Variants in ZNF462 observed in about 807,000 individuals in gnomAD.
ZNF462 encodes the protein zinc finger PBX1-interacting protein.
ZNF462 carries 10 observed loss-of-function variants against 201.9 expected under a neutral mutation model. The ratio of observed to expected loss-of-function variants is 0.05; its 90% CI spans 0.03 to 0.08. ZNF462 has a LOEUF of 0.08. ZNF462 is among the 10% of genes least tolerant of loss of function. ZNF462 has a pLI of 1.00. For missense variants in ZNF462, 2,523 were observed against 3,168.3 expected, an observed-to-expected ratio of 0.80 and a Z score of 4.89; for synonymous variants, 1,227 against 1,193.3, an observed-to-expected ratio of 1.03 and a Z score of -0.58.
intron 10 of ZNF462, among the ~76,000 whole-genome samples, chr9:106,992,838 A>G (rs946817472): frequency 3.3e-5 from 5 of 152,092 alleles, no homozygotes; most frequent in Admixed American, 2.6e-4. Flanking sequence ...TAGGTAAATT[A>G]TACCTCAATA....
chr9:106,906,606 G>T (rs1254807302), intron 1 of ZNF462, among the ~76,000 whole-genome samples: 2 of 152,014 alleles, frequency 1.3e-5, no homozygotes, highest in Non-Finnish European at 2.9e-5. Flanking sequence ...AGACAGGGTG[G>T]AAAAAAAGAA....
intron 9 of ZNF462, among the ~76,000 whole-genome samples, chr9:106,982,176 G>T (rs981824519): frequency 1.1e-4 from 16 of 152,228 alleles, no homozygotes; most frequent in Non-Finnish European, 2.1e-4. Flanking sequence ...ACCCAGCGTA[G>T]TTGCAGTTAA....
chr9:106,936,417 ACTT>A (rs1159276669), intron 6 of ZNF462, among the ~76,000 whole-genome samples: 7 of 152,066 alleles, frequency 4.6e-5, no homozygotes, highest in Admixed American at 4.6e-4. Flanking sequence ...TGGGTCCTTC[ACTT>A]TCGCCAGCTC....
rs571768676 is a variant in ZNF462, at chr9:107,005,465, T to C, written c.7189+2039T>C. Among the ~76,000 whole-genome samples the C allele has an allele frequency of 6.6e-6, 1 of 152,302 alleles. No individual in the cohort carries two copies. Among genetic ancestry groups the C allele is most frequent in the South Asian group, 2.1e-4 (1 of 4,834 alleles). ...TTTGCATTTCCCTGATGATTAGTGATGTTGAACATTTTTTCATATGCCTGC... is the reference window on the plus strand; with the variant it reads ...TTTGCATTTCCCTGATGATTAGTGACGTTGAACATTTTTTCATATGCCTGC... On this transcript the variant is annotated intron_variant, in intron 11 of 12. Coordinates refer to ENST00000277225, the MANE Select transcript of ZNF462 (RefSeq NM_021224.6). This position sits in a 1 kb window ranked among gnomAD's most constrained non-coding sequence, Gnocchi z 4.4.
intron 7 of ZNF462, among the ~76,000 whole-genome samples, chr9:106,961,770 AG>A (rs929633524): frequency 6.6e-6 from 1 of 151,984 alleles, no homozygotes; most frequent in Non-Finnish European, 1.5e-5. Flanking sequence ...GGGGAGTCTA[AG>A]GGGGGAATTT....
chr9:106,885,438 A>G lies in ZNF462; in HGVS notation c.-31+22083A>G, dbSNP rs1828275729. 6.6e-6 allele frequency among the ~76,000 whole-genome samples: 1 copy of G among 152,200 alleles called. No individual in the cohort carries two copies. Among genetic ancestry groups the G allele is most frequent in the South Asian group, 2.1e-4 (1 of 4,830 alleles). The stretch of plus-strand genomic sequence containing the variant: ...AACAGAAAGCAGCAGTCATGGCCCA[A>G]GAACCTGTGGTTCTTGGTTGTGTCC... On this transcript the variant is annotated intron_variant, in intron 1 of 12. Coordinates refer to ENST00000277225, the MANE Select transcript of ZNF462 (RefSeq NM_021224.6). The surrounding 1 kb of genome is among the most constrained non-coding windows in gnomAD (Gnocchi z 4.1).
intron 1 of ZNF462, among the ~76,000 whole-genome samples, chr9:106,889,665 G>T (rs1434341660): frequency 6.6e-6 from 1 of 152,040 alleles, no homozygotes; most frequent in Non-Finnish European, 1.5e-5. Context: ...AATACTTACT[G>T]AGCATTTGAC....
rs1206382478 is a variant in ZNF462 at position 106,863,349 on chromosome 9, T to A, written c.-37T>A. 5.1e-6 allele frequency: 2 copies of A among 395,526 alleles called. No individual in the cohort carries two copies. The highest frequency in any genetic ancestry group is 2.1e-5 in the African/African-American group (1 of 48,482). 24.5% of individuals were successfully genotyped at this position (395,526 alleles called of 1,614,324 possible). ...GAAGCACCTCCCGGCGCCGGGACGC[T>A]TCTTCTGTAAGTTACTGCAATTAAC... is the stretch of plus-strand genomic sequence containing the variant. On this transcript the variant is annotated 5_prime_UTR_variant, in exon 1 of 13. Coordinates refer to ENST00000277225, the MANE Select transcript of ZNF462 (RefSeq NM_021224.6).
At chr9:106,946,953 A>G (rs1017561555) in intron 7 of ZNF462, among the ~76,000 whole-genome samples, 2 of 152,248 alleles carry the variant, frequency 1.3e-5, no homozygotes, top group Non-Finnish European at 2.9e-5. Flanking sequence ...TGTTGTACAC[A>G]TATTTTTGTT....
At position 106,932,377 on chromosome 9, in the gene ZNF462, T is replaced by A; in HGVS notation, c.6013-69T>A. The A allele has an allele frequency of 1.2e-6, 2 of 1,608,220 alleles. No homozygotes were observed. The highest frequency in any genetic ancestry group is 1.7e-6 in the Non-Finnish European group (2 of 1,177,156). ...TGAACACTGCTTGCTTGATGGAATG[T>A]TGGAGGATGAAACCCGGCCGGGGGG... On this transcript the variant is annotated intron_variant, in intron 4 of 12. Transcript: ENST00000277225. This position sits in a 1 kb window ranked among gnomAD's most constrained non-coding sequence, Gnocchi z 6.8.
At chr9:106,941,626 A>G (rs886577079) in intron 7 of ZNF462, among the ~76,000 whole-genome samples, 2 of 152,254 alleles carry the variant, frequency 1.3e-5, no homozygotes, top group Admixed American at 6.5e-5. Context: ...ATGTATATAA[A>G]TGACCTATAT....
At chr9:106,881,417 G>A (rs1161409243) in intron 1 of ZNF462, among the ~76,000 whole-genome samples, 1 of 152,052 alleles carries the variant, frequency 6.6e-6, no homozygotes, top group African/African-American at 2.4e-5. Context: ...TGACCTTGAG[G>A]GAATGATTTA....
At position 106,938,182 on chromosome 9, in the gene ZNF462, A is replaced by G. The variant is rs983418421; in HGVS notation, c.6236-734A>G. Among the ~76,000 whole-genome samples, 3 of 152,230 alleles carry G rather than the reference A, an allele frequency of 2.0e-5. No homozygotes were observed. The highest frequency in any genetic ancestry group is 2.9e-5 in the Non-Finnish European group (2 of 68,034). On this transcript the variant is annotated intron_variant, in intron 6 of 12. Coordinates refer to ENST00000277225, the MANE Select transcript of ZNF462 (RefSeq NM_021224.6). This position sits in a 1 kb window ranked among gnomAD's most constrained non-coding sequence, Gnocchi z 4.4. ...GTGGCATAAAATTAATTTTAAAAGT[A>G]GTGCTTATTTTTACTGAGAGGCAGT... is the stretch of plus-strand genomic sequence containing the variant.
intron 7 of ZNF462, among the ~76,000 whole-genome samples, chr9:106,947,765 C>T (rs567183609): frequency 2.6e-5 from 4 of 152,158 alleles, no homozygotes; most frequent in African/African-American, 9.7e-5. Context: ...ATTCCAGAGC[C>T]TGTGCCCTTG....
chr9:106,995,128 C>CTT (rs1368481711), intron 10 of ZNF462, among the ~76,000 whole-genome samples: 2 of 152,084 alleles, frequency 1.3e-5, no homozygotes, highest in Non-Finnish European at 2.9e-5. Flanking sequence ...AGCTCTGAGC[C>CTT]TTTCTTAATT....
rs1260681026 is a variant in ZNF462 at position 106,968,820 on chromosome 9, A to G, written c.6428-3185A>G. On this transcript the variant is annotated intron_variant, in intron 7 of 12. Coordinates refer to ENST00000277225, the MANE Select transcript of ZNF462 (RefSeq NM_021224.6). This position sits in a 1 kb window ranked among gnomAD's most constrained non-coding sequence, Gnocchi z 4.0. ...CCTTTCTTTCCTTAAGCTCAAAATG[A>G]AAGAAAATAGTCTTAATGATGATTT... Among the ~76,000 whole-genome samples, 12 of 152,214 alleles carry G rather than the reference A, an allele frequency of 7.9e-5. No individual in the cohort carries two copies. The highest frequency in any genetic ancestry group is 7.9e-4 in the Admixed American group (12 of 15,278).
intron 9 of ZNF462, chr9:106,975,361 T>A (rs772589198): frequency 2.0e-5 from 3 of 152,234 alleles, no homozygotes; most frequent in Non-Finnish European, 4.4e-5. Flanking sequence ...GCTGAGTATT[T>A]GGGGGCCATT....
chr9:106,890,976 T>C lies in ZNF462; in HGVS notation c.-31+27621T>C, dbSNP rs1423761584. On this transcript the variant is annotated intron_variant, in intron 1 of 12. Transcript: ENST00000277225. This position sits in a 1 kb window ranked among gnomAD's most constrained non-coding sequence, Gnocchi z 4.2. Reference sequence around the variant, plus strand: ...GTAAAGAATAAGATAGTCTTTTTCTTTTTTGGAAAAATCGTATGGCTAGTA... The same window carrying C: ...GTAAAGAATAAGATAGTCTTTTTCTCTTTTGGAAAAATCGTATGGCTAGTA... 6.6e-6 allele frequency among the ~76,000 whole-genome samples: 1 copy of C among 152,202 alleles called. No individual in the cohort carries two copies. The highest frequency in any genetic ancestry group is 6.5e-5 in the Admixed American group (1 of 15,286).
At chr9:106,973,225 T>C (rs1564143200) in intron 8 of ZNF462, among the ~76,000 whole-genome samples, 1 of 152,112 alleles carries the variant, frequency 6.6e-6, no homozygotes, top group Non-Finnish European at 1.5e-5. Flanking sequence ...TTTCTGTTCC[T>C]ATTGTAATCA....
Sources: allele counts gnomAD v4.1 joint callset (sites outside exome capture counted in the v4.1 genomes callset), GRCh38; gene constraint gnomAD v4.1.1; non-coding constraint Gnocchi (gnomAD v3.1); transcripts MANE v1.5; gene names NCBI Gene and HGNC (gene_info 2026-07-23, HGNC 2026-07-21).